The following MACROH2A1 variants were observed in gnomAD, a reference collection of about 807,000 sequenced individuals.
MACROH2A1 encodes the protein macroH2A.1 histone.
In MACROH2A1, 2 loss-of-function variants were observed where a neutral mutation model predicts 31.6. That is an observed-to-expected ratio of 0.06 (90% CI 0.03 to 0.20). The LOEUF is 0.20. Ranked by LOEUF, MACROH2A1 falls within the 10% of genes least tolerant of loss-of-function variation. MACROH2A1 has a pLI of 1.00. For synonymous variants in MACROH2A1, 169 were observed against 189.6 expected, an observed-to-expected ratio of 0.89 and a Z score of 0.89; for missense variants, 230 against 474.0, an observed-to-expected ratio of 0.49 and a Z score of 4.78.
rs368267936 is a variant in MACROH2A1, at chr5:135,334,912, ATTTTT to A, written c.*59_*63del. ...CCACCTCCCAGTAGGAGTGAAGGGG[ATTTTT>A]TTTTTCTTTTAAACTGAAGGTGGGG... On this transcript the variant is annotated 3_prime_UTR_variant, in exon 9 of 9. Transcript: ENST00000511689. The A allele has an allele frequency of 7.7e-7, 1 of 1,294,960 alleles. No homozygotes were observed. Among genetic ancestry groups the A allele is most frequent in the African/African-American group, 1.5e-5 (1 of 67,126 alleles). 80.2% of individuals were successfully genotyped at this position (1,294,960 alleles called of 1,614,324 possible).
intron 5 of MACROH2A1, chr5:135,359,593 A>G (rs969917759): frequency 1.0e-6 from 1 of 984,388 alleles, no homozygotes; most frequent in Non-Finnish European, 1.2e-6. Flanking sequence ...GGGTAGGAGG[A>G]GAACTTGCAA....
At chr5:135,349,114 T>G (rs1761207114) in intron 6 of MACROH2A1, among the ~76,000 whole-genome samples, 1 of 152,188 alleles carries the variant, frequency 6.6e-6, no homozygotes, top group African/African-American at 2.4e-5. Context: ...ACGGCCTTCC[T>G]CAGGCTGCAG....
chr5:135,381,837 G>C (rs59143641), intron 2 of MACROH2A1, among the ~76,000 whole-genome samples: 11,800 of 152,240 alleles, frequency 0.078, 591 homozygotes, highest in African/African-American at 0.13. Context: ...GAGATTAACA[G>C]ATACAGAAGA....
At chr5:135,388,386 A>T (rs573368990) in intron 2 of MACROH2A1, among the ~76,000 whole-genome samples, 1 of 152,204 alleles carries the variant, frequency 6.6e-6, no homozygotes, top group African/African-American at 2.4e-5. Context: ...AGCATCTCTG[A>T]TGCCATTCTC....
At chr5:135,351,107 G>A in intron 6 of MACROH2A1, 1 of 465,198 alleles carries the variant, frequency 2.1e-6, no homozygotes, top group Non-Finnish European at 3.8e-6. Context: ...TATCAAATGT[G>A]ACATGTTTAA....
rs371801112 is a variant in MACROH2A1, at chr5:135,335,015, G to A, written c.1080C>T (p.Gly360=). 11 of 1,613,868 alleles carry A rather than the reference G, an allele frequency of 6.8e-6. No homozygotes were observed. In the African/African-American group the frequency reaches 1.5e-4, roughly 22 times the overall value. Residue 360 remains glycine, a synonymous_variant, in exon 9 of 9, where the codon GGC becomes GGT. Coordinates refer to ENST00000511689, the MANE Select transcript of MACROH2A1 (RefSeq NM_138610.3). ...GCTTGGCCATTTCCTGCACATAGAT[G>A]CCTATACTCTCGCTGTCAAAAAGCA... ...YFVLFDSESI[G]IYVQEMAKLD... is the part of the protein sequence containing the mutation.
intron 2 of MACROH2A1, among the ~76,000 whole-genome samples, chr5:135,380,169 TA>T (rs939081500): frequency 1.3e-5 from 2 of 152,092 alleles, no homozygotes; most frequent in South Asian, 2.1e-4. Flanking sequence ...TAGCCTTCAA[TA>T]AAAAACTATT....
intron 4 of MACROH2A1, chr5:135,362,047 A>G (rs1762907245): frequency 6.6e-6 from 1 of 152,254 alleles, no homozygotes; most frequent in South Asian, 2.1e-4. Flanking sequence ...AAACAGGTAT[A>G]ATCAACAATT....
intron 1 of MACROH2A1, among the ~76,000 whole-genome samples, chr5:135,395,388 G>C (rs1042590877): frequency 6.6e-6 from 1 of 152,194 alleles, no homozygotes; most frequent in African/African-American, 2.4e-5. Context: ...GCTAGTCAAA[G>C]AGCCCTATCT....
At chr5:135,393,916 G>A (rs1767597606) in intron 1 of MACROH2A1, among the ~76,000 whole-genome samples, 1 of 152,188 alleles carries the variant, frequency 6.6e-6, no homozygotes, top group African/African-American at 2.4e-5. Flanking sequence ...AGAGGAGCTG[G>A]ATGGAGAGAT....
intron 1 of MACROH2A1, among the ~76,000 whole-genome samples, chr5:135,393,586 G>C (rs1407162768): frequency 3.3e-5 from 5 of 152,218 alleles, no homozygotes; most frequent in Non-Finnish European, 1.5e-5. Context: ...AGTGAAGCTG[G>C]TCACAGGAGA....
intron 2 of MACROH2A1, among the ~76,000 whole-genome samples, chr5:135,377,930 G>A (rs1280505973): frequency 6.6e-6 from 1 of 152,154 alleles, no homozygotes; most frequent in Non-Finnish European, 1.5e-5. Flanking sequence ...CAGTGTGAGT[G>A]TGTCATAGAA....
At chr5:135,395,377 T>G (rs1255592502) in intron 1 of MACROH2A1, among the ~76,000 whole-genome samples, 1 of 152,200 alleles carries the variant, frequency 6.6e-6, no homozygotes, top group Non-Finnish European at 1.5e-5. Flanking sequence ...GCTGGGGAGT[T>G]GCTAGTCAAA....
intron 2 of MACROH2A1, among the ~76,000 whole-genome samples, chr5:135,380,826 T>C (rs1361014295): frequency 5.9e-5 from 9 of 152,202 alleles, no homozygotes; most frequent in African/African-American, 1.4e-4. Flanking sequence ...ATATATAACA[T>C]ATATAAGAAC....
chr5:135,348,272 T>A (rs1435454494), intron 6 of MACROH2A1, among the ~76,000 whole-genome samples: 4 of 152,260 alleles, frequency 2.6e-5, no homozygotes, highest in African/African-American at 9.6e-5. Context: ...TCTTGCTTTT[T>A]AGGCTTAACT....
rs199816591 is a variant in MACROH2A1 at position 135,334,809 on chromosome 5, T to TAGA, written c.*164_*166dup. The TAGA allele has an allele frequency of 1.7e-6, 1 of 604,478 alleles. No individual in the cohort carries two copies. 37.4% of individuals were successfully genotyped at this position (604,478 alleles called of 1,614,324 possible). A position where few individuals can be genotyped will look rare whatever the true frequency, so the allele number is the denominator to read the frequency against. On this transcript the variant is annotated 3_prime_UTR_variant, in exon 9 of 9. Transcript: ENST00000511689. ...TATCAGTGCTAACATAAAAACATTT[T>TAGA]AGAAGGTCAAAAACAATTAAACTGG... is the stretch of plus-strand genomic sequence containing the variant.
At chr5:135,376,635 C>CG (rs1247777313) in intron 2 of MACROH2A1, among the ~76,000 whole-genome samples, 1 of 152,124 alleles carries the variant, frequency 6.6e-6, no homozygotes, top group South Asian at 2.1e-4. Flanking sequence ...GACAGACCGT[C>CG]GGGGTTTGGA....
chr5:135,386,916 C>T (rs993112804), intron 2 of MACROH2A1, among the ~76,000 whole-genome samples: 3 of 152,200 alleles, frequency 2.0e-5, no homozygotes, highest in South Asian at 4.1e-4. Flanking sequence ...ATGGCATTCG[C>T]GAGCCAGGGG....
At chr5:135,374,558 G>A (rs1764605191) in intron 2 of MACROH2A1, among the ~76,000 whole-genome samples, 1 of 152,226 alleles carries the variant, frequency 6.6e-6, no homozygotes, top group South Asian at 2.1e-4. Flanking sequence ...GGCTAGAACA[G>A]AGCCAACTTA....
Sources: allele counts gnomAD v4.1 joint callset (sites outside exome capture counted in the v4.1 genomes callset), GRCh38; gene constraint gnomAD v4.1.1; transcripts MANE v1.5; gene names NCBI Gene and HGNC (gene_info 2026-07-23, HGNC 2026-07-21).